MLLT3: variants seen among roughly 807,000 people sequenced by gnomAD.
MLLT3 encodes protein AF-9.
MLLT3 carries 4 observed loss-of-function variants against 53.2 expected under a neutral mutation model. The observed-to-expected ratio is 0.08, with a 90% CI of 0.04 to 0.17. MLLT3 has a LOEUF of 0.17. Among genes scored for constraint, MLLT3 ranks in the 10% least tolerant of loss-of-function variants. The pLI is 1.00. For synonymous variants in MLLT3, 283 were observed against 230.6 expected (o/e 1.23, Z -2.06); for missense variants, 569 against 684.0 (o/e 0.83, Z 1.87).
chr9:20,394,350 G>A (rs1247733445), intron 5 of MLLT3, among the ~76,000 whole-genome samples: 1 of 152,152 alleles, frequency 6.6e-6, no homozygotes, highest in Non-Finnish European at 1.5e-5. Context: ...GCAAAAAGAA[G>A]ATGAGCCGCA....
chr9:20,618,745 G>C (rs917923371), intron 2 of MLLT3, among the ~76,000 whole-genome samples: 1 of 151,984 alleles, frequency 6.6e-6, no homozygotes, highest in South Asian at 2.1e-4. Context: ...TGTTCCCTCA[G>C]GGCAGACAGA....
At chr9:20,388,447 G>GCCCA (rs1321076433) in intron 5 of MLLT3, among the ~76,000 whole-genome samples, 1 of 152,040 alleles carries the variant, frequency 6.6e-6, no homozygotes, top group African/African-American at 2.4e-5. Context: ...AATTAGACAG[G>GCCCA]CGTGGTGGTG....
At chr9:20,532,698 G>A (rs895578573) in intron 2 of MLLT3, 12 of 260,862 alleles carry the variant, frequency 4.6e-5, no homozygotes, top group Non-Finnish European at 7.4e-5. Flanking sequence ...AGCCCAAAAG[G>A]GACTTAACTC....
chr9:20,346,285 A>G lies in MLLT3; in HGVS notation c.*158T>C. ...AGATGATGACTGGCTTTAAAGAAAA[A>G]TAAAGCTGAAGGTTGTTTGATTTTT... is the stretch of plus-strand genomic sequence containing the variant. On this transcript the variant is annotated 3_prime_UTR_variant, in exon 11 of 11. Coordinates refer to ENST00000380338, the MANE Select transcript of MLLT3 (RefSeq NM_004529.4). The G allele has an allele frequency of 1.3e-6, 1 of 785,808 alleles. No homozygotes were observed. The highest frequency in any genetic ancestry group is 1.9e-6 in the Non-Finnish European group (1 of 531,214). The allele number at this position is 785,808 out of a possible 1,614,324, so 48.7% of individuals were successfully genotyped here. A position where few individuals can be genotyped will look rare whatever the true frequency, so the allele number is the denominator to read the frequency against.
chr9:20,542,282 C>T (rs13287614), intron 2 of MLLT3, among the ~76,000 whole-genome samples: 5 of 140,070 alleles, frequency 3.6e-5, no homozygotes, highest in African/African-American at 1.1e-4. Context: ...CTTGCTCTGT[C>T]GCCCAGGCCG....
chr9:20,438,849 A>G (rs752170595), intron 4 of MLLT3, among the ~76,000 whole-genome samples: 2 of 152,166 alleles, frequency 1.3e-5, no homozygotes, highest in Admixed American at 6.5e-5. Context: ...AAGGCCAACT[A>G]AATTTTTATT....
In MLLT3 at chr9:20,345,636, A is replaced by T. The variant is rs1488061364; in HGVS notation, c.*807T>A. 1.4e-5 allele frequency: 3 copies of T among 211,470 alleles called. No homozygotes were observed. Among genetic ancestry groups the T allele is most frequent in the Non-Finnish European group, 2.9e-5 (3 of 104,146 alleles). The allele number at this position is 211,470 out of a possible 1,614,324, so 13.1% of individuals were successfully genotyped here. Reference sequence around the variant, plus strand: ...ACATTTACAGGTACACTTTTGTTTAAAAGTCCTACAAGTTTATTGACTAAG... The same window carrying T: ...ACATTTACAGGTACACTTTTGTTTATAAGTCCTACAAGTTTATTGACTAAG... On this transcript the variant is annotated 3_prime_UTR_variant, in exon 11 of 11. Transcript: ENST00000380338.
intron 2 of MLLT3, among the ~76,000 whole-genome samples, chr9:20,609,050 A>G (rs1323038287): frequency 6.6e-6 from 1 of 152,046 alleles, no homozygotes; most frequent in Non-Finnish European, 1.5e-5. Flanking sequence ...ATACTCTGTC[A>G]AGAAGCATTA....
chr9:20,515,988 A>G (rs1817903743), intron 2 of MLLT3, among the ~76,000 whole-genome samples: 1 of 152,228 alleles, frequency 6.6e-6, no homozygotes, highest in Non-Finnish European at 1.5e-5. Context: ...GACATGTTAT[A>G]TTGTGTGCCA....
chr9:20,528,585 C>T (rs796154885), intron 2 of MLLT3, among the ~76,000 whole-genome samples: 3 of 152,340 alleles, frequency 2.0e-5, no homozygotes, highest in Admixed American at 6.5e-5. Context: ...TTTGCCTTTT[C>T]CTGGTGGCCA....
chr9:20,488,454 C>G (rs940688573), intron 2 of MLLT3, among the ~76,000 whole-genome samples: 1 of 151,884 alleles, frequency 6.6e-6, no homozygotes, highest in African/African-American at 2.4e-5. Flanking sequence ...AATGTGTACT[C>G]GTAGAAAAAG....
intron 10 of MLLT3, among the ~76,000 whole-genome samples, chr9:20,352,723 A>C (rs1319537637): frequency 2.6e-5 from 4 of 151,808 alleles, no homozygotes; most frequent in African/African-American, 9.7e-5. Context: ...AAAAAAAAAA[A>C]AAAACCCACA....
chr9:20,380,788 C>T (rs566415838), intron 5 of MLLT3, among the ~76,000 whole-genome samples: 2 of 152,080 alleles, frequency 1.3e-5, no homozygotes, highest in African/African-American at 4.8e-5. Flanking sequence ...ATGTGAAATG[C>T]GTAACAGAGT....
chr9:20,362,115 T>C (rs933324597), intron 7 of MLLT3, among the ~76,000 whole-genome samples: 1 of 152,150 alleles, frequency 6.6e-6, no homozygotes, highest in Non-Finnish European at 1.5e-5. Context: ...ACAAGTGCAG[T>C]GAAGATCAAA....
intron 4 of MLLT3, among the ~76,000 whole-genome samples, chr9:20,445,033 G>C (rs951778248): frequency 6.6e-6 from 1 of 151,650 alleles, no homozygotes; most frequent in Admixed American, 6.6e-5. Context: ...CAAGGCTGCA[G>C]TGTACAAAAA....
At chr9:20,561,142 C>T (rs1016046902) in intron 2 of MLLT3, among the ~76,000 whole-genome samples, 6 of 152,066 alleles carry the variant, frequency 3.9e-5, no homozygotes, top group East Asian at 1.9e-4. Context: ...CGCACACACA[C>T]GCGTGTGTGC....
chr9:20,572,919 C>T (rs1412224238), intron 2 of MLLT3, among the ~76,000 whole-genome samples: 1 of 152,202 alleles, frequency 6.6e-6, no homozygotes, highest in African/African-American at 2.4e-5. Context: ...TAGAAAACCT[C>T]TCCTTGCTCA....
chr9:20,430,007 G>C (rs2118812489), intron 4 of MLLT3, among the ~76,000 whole-genome samples: 1 of 152,126 alleles, frequency 6.6e-6, no homozygotes, highest in Non-Finnish European at 1.5e-5. Flanking sequence ...AAATACAAAA[G>C]GATCTGTAAA....
chr9:20,366,498 T>G (rs1168974482), intron 5 of MLLT3, among the ~76,000 whole-genome samples: 1 of 152,232 alleles, frequency 6.6e-6, no homozygotes, highest in East Asian at 1.9e-4. Context: ...AGTGCCACAA[T>G]AAACATACGT....
Sources: allele counts gnomAD v4.1 joint callset (sites outside exome capture counted in the v4.1 genomes callset), GRCh38; gene constraint gnomAD v4.1.1; transcripts MANE v1.5; gene names NCBI Gene and HGNC (gene_info 2026-07-23, HGNC 2026-07-21).